The following PRRG1 variants were observed in gnomAD, a reference collection of about 807,000 sequenced individuals.
The protein encoded by PRRG1 is proline rich and Gla domain 1, also known as transmembrane gamma-carboxyglutamic acid protein 1.
A neutral mutation model predicts 11.8 loss-of-function variants in PRRG1; 5 were observed. That is an observed-to-expected ratio of 0.42 (90% CI 0.22 to 0.89). The LOEUF is 0.89. Among genes scored for constraint, PRRG1 ranks in the 40% least tolerant of loss-of-function variants. The pLI is 0.28. For synonymous variants in PRRG1, 66 were observed against 60.4 expected (o/e 1.09, Z -0.43); for missense variants, 155 against 166.1 (o/e 0.93, Z 0.37).
chrX:37,367,216 T>G (rs1456216003), intron 1 of PRRG1, among the ~76,000 whole-genome samples: 1 of 112,380 alleles, frequency 8.9e-6, no homozygotes, highest in African/African-American at 3.2e-5. Context: ...ATGCAATACT[T>G]GATTTTGCAT....
At chrX:37,355,094 T>A (rs1230040027) in intron 1 of PRRG1, among the ~76,000 whole-genome samples, 5 of 109,916 alleles carry the variant, frequency 4.5e-5, no homozygotes, top group East Asian at 2.9e-4. Context: ...AAATTAAAAA[T>A]TTTTTTTTGA....
intron 1 of PRRG1, among the ~76,000 whole-genome samples, chrX:37,402,065 G>A (rs1556380478): frequency 1.8e-5 from 2 of 111,414 alleles, no homozygotes; most frequent in Non-Finnish European, 3.8e-5. Context: ...ACTGCCCAAG[G>A]TAATTTATAG....
At chrX:37,407,863 G>C (rs1210754737) in intron 2 of PRRG1, among the ~76,000 whole-genome samples, 3 of 111,469 alleles carry the variant, frequency 2.7e-5, no homozygotes, top group Non-Finnish European at 1.9e-5. Context: ...CCACCCTTGT[G>C]TGGGCCCTGG....
chrX:37,412,586 A>G (rs1932378044), intron 2 of PRRG1, among the ~76,000 whole-genome samples: 1 of 111,024 alleles, frequency 9.0e-6, no homozygotes, highest in Admixed American at 9.6e-5. Flanking sequence ...AGTTTAGATG[A>G]TGTCAATAAT....
chrX:37,388,678 C>G (rs1426372765), intron 1 of PRRG1, among the ~76,000 whole-genome samples: 1 of 113,172 alleles, frequency 8.8e-6, no homozygotes, highest in South Asian at 3.6e-4. Flanking sequence ...TTCTTCCCTC[C>G]TAGGCCTCCA....
chrX:37,387,653 C>G (rs1293790487), intron 1 of PRRG1, among the ~76,000 whole-genome samples: 1 of 111,189 alleles, frequency 9.0e-6, no homozygotes, highest in Admixed American at 9.5e-5. Flanking sequence ...GAAACTGACC[C>G]CATGATCCAA....
intron 2 of PRRG1, among the ~76,000 whole-genome samples, chrX:37,411,176 T>C (rs1932341155): frequency 8.9e-6 from 1 of 111,817 alleles, no homozygotes; most frequent in South Asian, 3.8e-4. Flanking sequence ...TATGTAAACA[T>C]AGCATTTACA....
chrX:37,444,956 A>G (rs782059921), intron 3 of PRRG1, among the ~76,000 whole-genome samples: 1 of 111,300 alleles, frequency 9.0e-6, no homozygotes, highest in East Asian at 2.8e-4. Context: ...TGAGCCTCCT[A>G]TTTCCACCCT....
At chrX:37,395,557 G>T (rs1335785692) in intron 1 of PRRG1, among the ~76,000 whole-genome samples, 1 of 107,075 alleles carries the variant, frequency 9.3e-6, no homozygotes, top group Non-Finnish European at 1.9e-5. Flanking sequence ...GGAGGTTGCA[G>T]TCAGCTGAGA....
intron 1 of PRRG1, among the ~76,000 whole-genome samples, chrX:37,400,714 CAACAAAATTGATA>C (rs1931941004): frequency 1.8e-5 from 2 of 110,486 alleles, no homozygotes; most frequent in African/African-American, 6.6e-5. Context: ...TTGAAAGGAT[CAACAAAATTGATA>C]GACTGCTAGC....
At chrX:37,384,213 C>G (rs1298063851) in intron 1 of PRRG1, among the ~76,000 whole-genome samples, 2 of 111,385 alleles carry the variant, frequency 1.8e-5, no homozygotes, top group Admixed American at 9.5e-5. Flanking sequence ...TGCCTACTAT[C>G]ACTGAACTGC....
At chrX:37,385,769 T>G (rs1199327244) in intron 1 of PRRG1, among the ~76,000 whole-genome samples, 1 of 109,003 alleles carries the variant, frequency 9.2e-6, no homozygotes, top group South Asian at 4.1e-4. Flanking sequence ...CCTTTTTTTT[T>G]TTTGTTTTTC....
At chrX:37,419,895 G>C (rs1932608071) in intron 2 of PRRG1, among the ~76,000 whole-genome samples, 1 of 112,049 alleles carries the variant, frequency 8.9e-6, no homozygotes, top group South Asian at 3.8e-4. Flanking sequence ...TGTCATCCCA[G>C]ACTTGACCAA....
intron 1 of PRRG1, among the ~76,000 whole-genome samples, chrX:37,391,223 C>T (rs1226967519): frequency 3.6e-5 from 4 of 111,727 alleles, no homozygotes; most frequent in African/African-American, 1.3e-4. Context: ...TTAATCATTT[C>T]ATCTGCTAGA....
chrX:37,433,961 T>A (rs371624656), intron 3 of PRRG1, among the ~76,000 whole-genome samples: 29 of 112,402 alleles, frequency 2.6e-4, no homozygotes, highest in African/African-American at 9.4e-4. Context: ...GCATTCTCAT[T>A]TTTTATCTGT....
rs1556398019 is a variant in PRRG1, at chrX:37,455,174, G to C, written c.*1553G>C. On this transcript the variant is annotated 3_prime_UTR_variant, in exon 4 of 4. Coordinates refer to ENST00000378628, the MANE Select transcript of PRRG1 (RefSeq NM_001142395.2). ...GTAGGAGTCAGATGACCTGAACTCA[G>C]ATCTCCCTCTATCACATGCTTGCCA... 2 of 111,411 alleles carry C rather than the reference G, an allele frequency of 1.8e-5. No individual in the cohort carries two copies. Among genetic ancestry groups the C allele is most frequent in the Non-Finnish European group, 1.9e-5 (1 of 53,091 alleles). The allele number at this position is 111,411 out of a possible 1,213,427, so 9.2% of individuals were successfully genotyped here.
intron 2 of PRRG1, among the ~76,000 whole-genome samples, chrX:37,416,258 G>A (rs1932493630): frequency 8.9e-6 from 1 of 112,122 alleles, no homozygotes; most frequent in East Asian, 2.8e-4. Flanking sequence ...TACTAGGACA[G>A]TTATCCACTT....
chrX:37,437,314 A>ATT (rs1932896484), intron 3 of PRRG1, among the ~76,000 whole-genome samples: 1 of 109,183 alleles, frequency 9.2e-6, no homozygotes, highest in African/African-American at 3.4e-5. Context: ...GCGGGGGGGG[A>ATT]GGTGCTCTCC....
At chrX:37,436,891 G>T (rs1556392135) in intron 3 of PRRG1, among the ~76,000 whole-genome samples, 1 of 112,092 alleles carries the variant, frequency 8.9e-6, no homozygotes, top group Non-Finnish European at 1.9e-5. Context: ...CCCTCCTTGG[G>T]GAACCAAATA....
Sources: allele counts gnomAD v4.1 joint callset (sites outside exome capture counted in the v4.1 genomes callset), GRCh38; gene constraint gnomAD v4.1.1; transcripts MANE v1.5; gene names NCBI Gene and HGNC (gene_info 2026-07-23, HGNC 2026-07-21).